Variants in BRSK2 observed in about 807,000 individuals in gnomAD.
BRSK2 encodes the protein BR serine/threonine kinase 2, also known as serine/threonine-protein kinase BRSK2.
In BRSK2, 19 loss-of-function variants were observed where a neutral mutation model predicts 83.3. The ratio of observed to expected loss-of-function variants is 0.23; its 90% CI spans 0.16 to 0.33. The LOEUF (loss-of-function observed/expected upper bound fraction) is 0.33, where lower values mean the gene tolerates loss of function less well. Ranked by LOEUF, BRSK2 falls within the 10% of genes least tolerant of loss-of-function variation. The pLI, the probability that BRSK2 is intolerant of heterozygous loss-of-function variation, is 1.00. For synonymous variants in BRSK2, 519 were observed against 435.4 expected (o/e 1.19, Z -2.39); for missense variants, 798 against 1,042.3 (o/e 0.77, Z 3.23).
intron 13 of BRSK2, 120 bp from the exon 14 acceptor site, chr11:1,450,466 TC>T: frequency 3.4e-6 from 2 of 587,772 alleles, no homozygotes; most frequent in Non-Finnish European, 6.0e-6. Flanking sequence ...CAGCCCGGCC[TC>T]CCGCCACTGG....
intron 1 of BRSK2, among the ~76,000 whole-genome samples, chr11:1,392,227 C>G (rs1007020903): frequency 6.6e-6 from 1 of 152,132 alleles, no homozygotes; most frequent in Non-Finnish European, 1.5e-5. Context: ...CTGCCAGGTC[C>G]CAAGCTCAAG....
chr11:1,458,494 G>C (rs902976105), intron 18 of BRSK2, among the ~76,000 whole-genome samples: 1 of 152,084 alleles, frequency 6.6e-6, no homozygotes, highest in Non-Finnish European at 1.5e-5. Flanking sequence ...TGTCCAGTGA[G>C]CCCAGCTCCA....
At chr11:1,422,622 G>T (rs929582947) in intron 1 of BRSK2, among the ~76,000 whole-genome samples, 1 of 152,134 alleles carries the variant, frequency 6.6e-6, no homozygotes, top group Non-Finnish European at 1.5e-5. Flanking sequence ...CAGGGCCTCT[G>T]AGGAGCTGAA....
At chr11:1,450,176 C>T (rs556476736) in intron 13 of BRSK2, among the ~76,000 whole-genome samples, 75 of 151,924 alleles carry the variant, frequency 4.9e-4, no homozygotes, top group South Asian at 2.5e-3. Flanking sequence ...GTGCATGTGC[C>T]GCGCGGCTGC....
intron 1 of BRSK2, among the ~76,000 whole-genome samples, chr11:1,419,622 C>T (rs1025397274): frequency 6.6e-6 from 1 of 152,214 alleles, no homozygotes; most frequent in African/African-American, 2.4e-5. Context: ...TTGAAATTCT[C>T]ATTTCTGGCC....
At chr11:1,417,310 G>A (rs1318063246) in intron 1 of BRSK2, among the ~76,000 whole-genome samples, 1 of 152,236 alleles carries the variant, frequency 6.6e-6, no homozygotes, top group Non-Finnish European at 1.5e-5. Context: ...TTTGGTGCTT[G>A]TCAGGATAGT....
At chr11:1,407,077 C>A (rs1172285069) in intron 1 of BRSK2, among the ~76,000 whole-genome samples, 3 of 152,170 alleles carry the variant, frequency 2.0e-5, no homozygotes, top group Admixed American at 2.0e-4. Flanking sequence ...AACGTCACCA[C>A]AGCGACTTGG....
At chr11:1,426,717 G>A (rs1849273083) in intron 1 of BRSK2, among the ~76,000 whole-genome samples, 1 of 152,178 alleles carries the variant, frequency 6.6e-6, no homozygotes, top group Non-Finnish European at 1.5e-5. Context: ...CAACGGGGGT[G>A]GGGGCAACAG....
rs1287413012 is a variant in BRSK2 at position 1,459,232 on chromosome 11, C to T, written c.1980C>T (p.Ser660=). Residue 660 remains serine, a synonymous_variant, in exon 19 of 20, where the codon TCC becomes TCT. Transcript: ENST00000528841. The stretch of plus-strand genomic sequence containing the variant: ...TGGAAATGATGACGGGGCGGCTTTC[C>T]AAATGTGGTAAGAATCCCCCACGCT... The part of the protein sequence containing the change: ...NCMEMMTGRL[S]KCGSPLSNFF... 1.9e-6 allele frequency: 3 copies of T among 1,613,658 alleles called. No individual in the cohort carries two copies. The highest frequency in any genetic ancestry group is 2.2e-5 in the South Asian group (2 of 91,092).
At chr11:1,391,581 C>T (rs949758021) in intron 1 of BRSK2, among the ~76,000 whole-genome samples, 2 of 152,150 alleles carry the variant, frequency 1.3e-5, no homozygotes, top group Non-Finnish European at 2.9e-5. Context: ...TTCCGCCACC[C>T]GCCACGGCAC....
At chr11:1,453,306 T>C (rs551442196) in intron 15 of BRSK2, among the ~76,000 whole-genome samples, 1 of 152,296 alleles carries the variant, frequency 6.6e-6, no homozygotes, top group Non-Finnish European at 1.5e-5. Flanking sequence ...CTTTCACACA[T>C]GGGACTATTT....
In BRSK2 at chr11:1,460,879, T is replaced by C. The variant is rs2133323229; in HGVS notation, c.*156T>C. The C allele has an allele frequency of 1.3e-6, 2 of 1,593,798 alleles. No homozygotes were observed. Among genetic ancestry groups the C allele is most frequent in the East Asian group, 4.5e-5 (2 of 44,234 alleles). ...GGAAAGGGGCGTTGGGGCCGGCCTG[T>C]GGGCTGCGCCACCCGCGCCCGCTCT... On this transcript the variant is annotated 3_prime_UTR_variant, in exon 20 of 20. Transcript: ENST00000528841.
intron 1 of BRSK2, chr11:1,410,747 C>T (rs903779037): frequency 2.5e-5 from 25 of 985,338 alleles, no homozygotes; most frequent in Non-Finnish European, 3.0e-5. Flanking sequence ...GTCCTCCATT[C>T]TCAGGGGCTG....
chr11:1,405,929 G>A lies in BRSK2; in HGVS notation c.91+15554G>A, dbSNP rs116721486. On this transcript the variant is annotated intron_variant, in intron 1 of 19. Transcript: ENST00000528841. ...GGCGCCCCTTCTGTCCACGTCAGAC[G>A]CTGGTCTGCACCTGTGCCATTCCAT... Among the ~76,000 whole-genome samples, 776 of 151,926 alleles carry A rather than the reference G, an allele frequency of 5.1e-3. 4 individuals are homozygous for A. Among genetic ancestry groups the A allele is most frequent in the African/African-American group, 0.016 (683 of 41,404 alleles).
intron 15 of BRSK2, among the ~76,000 whole-genome samples, chr11:1,452,829 G>A (rs1845971038): frequency 6.6e-6 from 1 of 152,258 alleles, no homozygotes; most frequent in South Asian, 2.1e-4. Flanking sequence ...CAGCACGGAT[G>A]CCTCCCACAG....
intron 1 of BRSK2, among the ~76,000 whole-genome samples, chr11:1,420,636 C>T (rs1421354206): frequency 2.0e-5 from 3 of 152,296 alleles, no homozygotes. Flanking sequence ...TCCCCCAAGT[C>T]CTATCTCCAC....
Position 1,445,597 on chromosome 11 carries a change from T to A in BRSK2, c.1004T>A (p.Phe335Tyr), listed in dbSNP as rs1851931893. The A allele has an allele frequency of 6.4e-7, 1 of 1,573,058 alleles. No homozygotes were observed. The highest frequency in any genetic ancestry group is 8.6e-7 in the Non-Finnish European group (1 of 1,159,646). ...GAGAACCAGGAGAAGATGATTTACT[T>A]CCTCCTCCTGGACCGGAAAGAAAGG... ...EEENQEKMIY[F>Y]LLLDRKERYP... is the part of the protein sequence containing the mutation. Residue 335 changes from phenylalanine to tyrosine, a missense_variant, in exon 11 of 20, where the codon TTC becomes TAC. Physicochemically the swap from Phe to Tyr is conservative, Grantham distance 22. This residue lies in a region of BRSK2 where 145 missense variants were observed against 225.4 expected (regional missense o/e 0.64). Coordinates refer to ENST00000528841, the MANE Select transcript of BRSK2 (RefSeq NM_001256627.2).
rs768751497 is a variant in BRSK2 at position 1,390,300 on chromosome 11, A to C, written c.16A>C (p.Lys6Gln). The C allele has an allele frequency of 1.9e-6, 2 of 1,036,460 alleles. No individual in the cohort carries two copies. The highest frequency in any genetic ancestry group is 2.3e-6 in the Non-Finnish European group (2 of 854,072). The allele number at this position is 1,036,460 out of a possible 1,614,324, so 64.2% of individuals were successfully genotyped here. A position where few individuals can be genotyped will look rare whatever the true frequency, so the allele number is the denominator to read the frequency against. The change falls in exon 1 of 20, where the codon AAG becomes CAG. Residue 6 changes from lysine (K) to glutamine (Q), a missense_variant. Lys to Gln is a moderately conservative substitution (Grantham distance 53, BLOSUM62 1). Around this residue, in one of 6 missense-constraint regions of BRSK2, gnomAD observed 33 missense variants for 30.8 expected, o/e 1.07. Transcript: ENST00000528841. The surrounding 1 kb of genome is among the most constrained non-coding windows in gnomAD (Gnocchi z 6.8). MTSTG[K>Q]DGGAQHAQYV... ...CCCCAGAGCGATGACATCGACGGGG[A>C]AGGACGGCGGCGCGCAGCACGCGCA...
At chr11:1,405,268 C>T (rs1002892423) in intron 1 of BRSK2, among the ~76,000 whole-genome samples, 4 of 152,054 alleles carry the variant, frequency 2.6e-5, no homozygotes, top group African/African-American at 9.7e-5. Flanking sequence ...CAGGAGCTGA[C>T]GTTGCTCCTG....
Sources: allele counts gnomAD v4.1 joint callset (sites outside exome capture counted in the v4.1 genomes callset), GRCh38; gene constraint gnomAD v4.1.1; regional missense constraint gnomAD v4.1.1; non-coding constraint Gnocchi (gnomAD v3.1); transcripts MANE v1.5; gene names NCBI Gene and HGNC (gene_info 2026-07-23, HGNC 2026-07-21).